Variants in KDM2A observed in about 807,000 individuals in gnomAD.
KDM2A encodes the protein lysine-specific demethylase 2A.
Under a neutral mutation model 137.3 loss-of-function variants are expected in KDM2A, and 3 were observed. The observed-to-expected ratio is 0.02, with a 90% CI of 0.01 to 0.06. The LOEUF (loss-of-function observed/expected upper bound fraction) is 0.06, where lower values mean the gene tolerates loss of function less well. Ranked by LOEUF, KDM2A falls within the 10% of genes least tolerant of loss-of-function variation. The pLI is 1.00. For missense variants in KDM2A, 738 were observed against 1,510.6 expected, an observed-to-expected ratio of 0.49 and a Z score of 8.48; for synonymous variants, 512 against 541.5, an observed-to-expected ratio of 0.95 and a Z score of 0.76.
chr11:67,175,042 A>T (rs556645337), intron 2 of KDM2A, among the ~76,000 whole-genome samples: 7 of 152,302 alleles, frequency 4.6e-5, no homozygotes, highest in African/African-American at 1.7e-4. Flanking sequence ...TTATTTGGTA[A>T]TGTTGATGGG....
intron 5 of KDM2A, among the ~76,000 whole-genome samples, chr11:67,203,213 A>G (rs1857693289): frequency 6.6e-6 from 1 of 151,908 alleles, no homozygotes. Context: ...AAATAAAAGT[A>G]TGTACCTTGT....
intron 13 of KDM2A, among the ~76,000 whole-genome samples, chr11:67,244,562 T>C (rs745950972): frequency 2.0e-5 from 3 of 152,178 alleles, no homozygotes; most frequent in Non-Finnish European, 4.4e-5. Context: ...GGGAAGCAGC[T>C]GAATTAGTAG....
At chr11:67,172,114 T>G (rs1012892779) in intron 2 of KDM2A, among the ~76,000 whole-genome samples, 5 of 152,152 alleles carry the variant, frequency 3.3e-5, no homozygotes, top group African/African-American at 1.2e-4. Flanking sequence ...CTCAGCCTCC[T>G]GTGGAGTTGG....
intron 2 of KDM2A, among the ~76,000 whole-genome samples, chr11:67,136,926 A>G (rs1277065914): frequency 6.6e-6 from 1 of 152,236 alleles, no homozygotes; most frequent in Non-Finnish European, 1.5e-5. Flanking sequence ...AAAGGGCTAC[A>G]AAGGTAAACA....
At position 67,139,882 on chromosome 11, in the gene KDM2A, A is replaced by AT. The variant is rs1246661887; in HGVS notation, c.42+18531dup. Among the ~76,000 whole-genome samples, 5 of 151,522 alleles carry AT rather than the reference A, an allele frequency of 3.3e-5. No individual in the cohort carries two copies. In the East Asian group the frequency reaches 7.8e-4, roughly 24 times the overall value. ...TGCTACCATGCCTGGCTATTTTTGT[A>AT]TTTTTTTAGTAGAGTCCGGGTTTCA... On this transcript the variant is annotated intron_variant, in intron 2 of 20. Coordinates refer to ENST00000529006, the MANE Select transcript of KDM2A (RefSeq NM_012308.3).
chr11:67,133,515 G>A (rs1478970537), intron 2 of KDM2A, among the ~76,000 whole-genome samples: 1 of 152,132 alleles, frequency 6.6e-6, no homozygotes, highest in East Asian at 1.9e-4. Context: ...TGATTCTTCT[G>A]TCTCAGCCTC....
intron 2 of KDM2A, among the ~76,000 whole-genome samples, chr11:67,174,555 C>T (rs1856940446): frequency 2.0e-5 from 3 of 152,080 alleles, no homozygotes. Flanking sequence ...ATTTCTTCTG[C>T]TCACCACCTA....
intron 6 of KDM2A, among the ~76,000 whole-genome samples, chr11:67,210,835 G>A (rs1245826993): frequency 6.6e-6 from 1 of 152,154 alleles, no homozygotes; most frequent in Non-Finnish European, 1.5e-5. Flanking sequence ...TATCGACCAG[G>A]TCAAGTTTTA....
intron 2 of KDM2A, among the ~76,000 whole-genome samples, chr11:67,127,555 TAA>T (rs1205057596): frequency 6.6e-6 from 1 of 152,162 alleles, no homozygotes; most frequent in Non-Finnish European, 1.5e-5. Flanking sequence ...GTCTTACATA[TAA>T]TTATGAAATA....
intron 2 of KDM2A, among the ~76,000 whole-genome samples, chr11:67,172,112 C>T (rs925481427): frequency 2.6e-5 from 4 of 152,150 alleles, no homozygotes; most frequent in Non-Finnish European, 5.9e-5. Context: ...ACCTCAGCCT[C>T]CTGTGGAGTT....
chr11:67,248,403 A>G, intron 16 of KDM2A, 33 bp downstream of exon 16: 2 of 1,465,874 alleles, frequency 1.4e-6, no homozygotes, highest in Non-Finnish European at 1.9e-6. Context: ...GCACTGTGAC[A>G]GAAAGGAGGC....
chr11:67,232,052 G>A, intron 12 of KDM2A, 92 bp downstream of exon 12: 13 of 1,282,308 alleles, frequency 1.0e-5, no homozygotes, highest in Non-Finnish European at 1.4e-5. Context: ...AATTTTGGGT[G>A]ATCTCTGGTT....
At chr11:67,135,864 A>G (rs1481596703) in intron 2 of KDM2A, among the ~76,000 whole-genome samples, 1 of 152,162 alleles carries the variant, frequency 6.6e-6, no homozygotes, top group African/African-American at 2.4e-5. Context: ...TTGGAATTCA[A>G]TGGTGCACAC....
chr11:67,169,467 C>T (rs1389964831), intron 2 of KDM2A, among the ~76,000 whole-genome samples: 1 of 150,380 alleles, frequency 6.6e-6, no homozygotes, highest in Admixed American at 6.6e-5. Flanking sequence ...GCAACCTCTG[C>T]CTCCCAGGTT....
chr11:67,156,301 T>C (rs1422721697), intron 2 of KDM2A, among the ~76,000 whole-genome samples: 10 of 144,508 alleles, frequency 6.9e-5, no homozygotes, highest in Admixed American at 6.9e-4. Context: ...TATGAAAGTA[T>C]TGGCTGGGCG....
chr11:67,240,901 T>C (rs770228966), intron 12 of KDM2A, among the ~76,000 whole-genome samples: 4 of 152,136 alleles, frequency 2.6e-5, no homozygotes, highest in Non-Finnish European at 5.9e-5. Flanking sequence ...AACTGAGTCT[T>C]GTATGTGTGA....
chr11:67,213,848 G>A (rs993206541), intron 6 of KDM2A, among the ~76,000 whole-genome samples: 2 of 151,716 alleles, frequency 1.3e-5, no homozygotes, highest in African/African-American at 4.8e-5. Flanking sequence ...CTTTGAAGTA[G>A]TTATCTTAGT....
intron 2 of KDM2A, among the ~76,000 whole-genome samples, chr11:67,125,538 TAGGCAGG>T (rs1002825570): frequency 6.6e-6 from 1 of 151,616 alleles, no homozygotes; most frequent in African/African-American, 2.4e-5. Context: ...TTGGGAGGCA[TAGGCAGG>T]AGGATCACCT....
intron 2 of KDM2A, among the ~76,000 whole-genome samples, chr11:67,142,564 G>A (rs1856133044): frequency 1.4e-5 from 2 of 140,242 alleles, no homozygotes; most frequent in African/African-American, 5.2e-5. Context: ...CCGGGGGGTT[G>A]GGGTTGGGGT....
Sources: allele counts gnomAD v4.1 joint callset (sites outside exome capture counted in the v4.1 genomes callset), GRCh38; gene constraint gnomAD v4.1.1; transcripts MANE v1.5; gene names NCBI Gene and HGNC (gene_info 2026-07-23, HGNC 2026-07-21).